The following MTTP variants were observed in gnomAD, a reference collection of about 807,000 sequenced individuals.
The protein encoded by MTTP is microsomal triglyceride transfer protein large subunit.
In MTTP, 49 loss-of-function variants were observed where a neutral mutation model predicts 90.6. That is an observed-to-expected ratio of 0.54 (90% CI 0.43 to 0.69). The LOEUF (loss-of-function observed/expected upper bound fraction) is 0.69. Among genes scored for constraint, MTTP ranks in the 30% least tolerant of loss-of-function variants. The pLI is 0.00. For synonymous variants in MTTP, 347 were observed against 384.2 expected, an observed-to-expected ratio of 0.90 and a Z score of 1.13; for missense variants, 945 against 1,067.5, an observed-to-expected ratio of 0.89 and a Z score of 1.60.
rs1283034899 is a variant in MTTP, at chr4:99,619,103, G to A, written c.2342+5G>A. 3 of 1,611,246 alleles carry A rather than the reference G, an allele frequency of 1.9e-6. No individual in the cohort carries two copies. Among genetic ancestry groups the A allele is most frequent in the South Asian group, 1.1e-5 (1 of 91,024 alleles). On this transcript the variant is annotated splice_donor_5th_base_variant and intron_variant, in intron 16 of 17. Coordinates refer to ENST00000265517, the MANE Select transcript of MTTP (RefSeq NM_001386140.1). ...TAAAACCCGAGTGAAAAATAGGTAA[G>A]TGTTTATGCATTATACATTTATGAA...
chr4:99,621,309 G>A, intron 17 of MTTP, 78 bp downstream of exon 17: 1 of 1,519,268 alleles, frequency 6.6e-7, no homozygotes, highest in Non-Finnish European at 9.1e-7. Flanking sequence ...AGAACATTCA[G>A]TTTCAGAATT....
intron 8 of MTTP, among the ~76,000 whole-genome samples, chr4:99,599,081 T>G (rs1055035347): frequency 3.9e-5 from 6 of 152,172 alleles, no homozygotes; most frequent in African/African-American, 1.4e-4. Context: ...AATGTAACAT[T>G]TCCCAAAAAG....
At chr4:99,614,340 C>A (rs764098403) in intron 15 of MTTP, among the ~76,000 whole-genome samples, 14 of 152,130 alleles carry the variant, frequency 9.2e-5, no homozygotes, top group Non-Finnish European at 1.3e-4. Context: ...GTTATGAAAT[C>A]ATAGATTTTA....
chr4:99,597,273 G>A, intron 8 of MTTP, 49 bp downstream of exon 8: 2 of 1,602,772 alleles, frequency 1.2e-6, no homozygotes, highest in Non-Finnish European at 1.7e-6. Context: ...AACATTTCTG[G>A]ATTGTTGGTT....
At chr4:99,609,042 T>C (rs1230300398) in intron 12 of MTTP, 65 bp downstream of exon 12, 6 of 1,393,690 alleles carry the variant, frequency 4.3e-6, no homozygotes, top group Non-Finnish European at 6.1e-6. Context: ...GGGGTACCGA[T>C]GTAGCTAATA....
intron 3 of MTTP, chr4:99,584,282 A>G (rs1473432728): frequency 2.0e-5 from 3 of 152,094 alleles, no homozygotes; most frequent in African/African-American, 7.2e-5. Context: ...GTGTCTAAAG[A>G]TGAGAGCTCA....
Position 99,621,174 on chromosome 4 carries a change from T to A in MTTP, c.2456T>A (p.Phe819Tyr). 1 of 1,614,080 alleles carries A rather than the reference T, an allele frequency of 6.2e-7. No homozygotes were observed. The highest frequency in any genetic ancestry group is 1.6e-4 in the Middle Eastern group (1 of 6,062). Residue 819 changes from phenylalanine (F) to tyrosine (Y), a missense_variant, in exon 17 of 18, where the codon TTT (phenylalanine) becomes TAT (tyrosine). Phe to Tyr is a conservative substitution (Grantham distance 22, BLOSUM62 3). Transcript: ENST00000265517. ...TTGGAGTTTATCTCCACAGTGCAGT[T>A]TTCTCAGTACCCATTCTTAGTTTGC... ...AGLEFISTVQ[F>Y]SQYPFLVCMQ... is the part of the protein sequence containing the mutation.
intron 1 of MTTP, among the ~76,000 whole-genome samples, chr4:99,567,896 G>A (rs1724741391): frequency 6.6e-6 from 1 of 152,002 alleles, no homozygotes; most frequent in Admixed American, 6.6e-5. Flanking sequence ...GAATAACTTA[G>A]CCTAAAAATA....
At chr4:99,573,131 C>G (rs1001857019), upstream of MTTP, among the ~76,000 whole-genome samples, 1 of 152,060 alleles carries the variant, frequency 6.6e-6, no homozygotes, top group African/African-American at 2.4e-5. Flanking sequence ...CACCACATAG[C>G]CTAACCACAA....
chr4:99,574,850 A>G lies in MTTP; in HGVS notation c.-60A>G, dbSNP rs113822122. The G allele has an allele frequency of 2.5e-6, 4 of 1,614,016 alleles. No homozygotes were observed. Among genetic ancestry groups the G allele is most frequent in the African/African-American group, 2.7e-5 (2 of 75,036 alleles). On this transcript the variant is annotated 5_prime_UTR_variant, in exon 1 of 18. Transcript: ENST00000265517. ...CTCCCTCACTGGCTGCCATTGAAAGAGTCCACTTCTCAGTGACTCCTAGCT... is the reference window on the plus strand; with the variant it reads ...CTCCCTCACTGGCTGCCATTGAAAGGGTCCACTTCTCAGTGACTCCTAGCT...
chr4:99,607,822 A>T (rs1352110409), intron 11 of MTTP, among the ~76,000 whole-genome samples: 1 of 152,120 alleles, frequency 6.6e-6, no homozygotes, highest in Non-Finnish European at 1.5e-5. Context: ...TGCCAGGTAG[A>T]TTTATTGAAT....
intron 2 of MTTP, 58 bp from the exon 3 acceptor site, chr4:99,583,316 C>T: frequency 1.3e-6 from 2 of 1,554,342 alleles, no homozygotes; most frequent in Non-Finnish European, 1.8e-6. Flanking sequence ...TTCAGAGATA[C>T]TCTGATGAAG....
rs1578222378 is a variant in MTTP, at chr4:99,564,236, T to C, written c.-103T>C. 27 of 1,535,540 alleles carry C rather than the reference T, an allele frequency of 1.8e-5. No homozygotes were observed. The East Asian group carries it at 6.1e-4, about 35-fold the overall frequency. On this transcript the variant is annotated splice_region_variant and 5_prime_UTR_variant, in exon 1 of 19. Coordinates refer to the MTTP transcript ENST00000457717. ...CAGACGTGTATTCATTCATATATTC[T>C]TGTGAGTATTGGATGAAGGAATTAA...
At chr4:99,571,195 G>A (rs1304246784), upstream of MTTP, among the ~76,000 whole-genome samples, 2 of 151,596 alleles carry the variant, frequency 1.3e-5, no homozygotes, top group African/African-American at 2.4e-5. Flanking sequence ...TTGGCTTCTT[G>A]TTCCACTTCA....
chr4:99,606,721 A>C (rs571255685), intron 10 of MTTP, 27 bp from the exon 11 acceptor site: 10 of 1,605,326 alleles, frequency 6.2e-6, no homozygotes, highest in Non-Finnish European at 8.5e-6. Flanking sequence ...ATGGTCATGC[A>C]TATATCTAAG....
intron 1 of MTTP, among the ~76,000 whole-genome samples, chr4:99,566,452 CAA>C (rs966793103): frequency 1.4e-4 from 21 of 152,032 alleles, no homozygotes; most frequent in African/African-American, 5.1e-4. Flanking sequence ...AGGTTGGACT[CAA>C]AGAGATACTA....
intron 6 of MTTP, among the ~76,000 whole-genome samples, chr4:99,593,063 G>T (rs1478585764): frequency 1.3e-5 from 2 of 152,068 alleles, no homozygotes; most frequent in East Asian, 3.9e-4. Flanking sequence ...GACCACCTTT[G>T]TACATGGGTC....
chr4:99,619,107 T>C lies in MTTP; in HGVS notation c.2342+9T>C, dbSNP rs745348862. The C allele has an allele frequency of 6.2e-7, 1 of 1,610,026 alleles. No individual in the cohort carries two copies. Among genetic ancestry groups the C allele is most frequent in the East Asian group, 2.2e-5 (1 of 44,776 alleles). On this transcript the variant is annotated intron_variant, in intron 16 of 17. Transcript: ENST00000265517. ...ACCCGAGTGAAAAATAGGTAAGTGT[T>C]TATGCATTATACATTTATGAATTAC...
At chr4:99,574,264 C>T (rs1486617878), upstream of MTTP, among the ~76,000 whole-genome samples, 1 of 152,144 alleles carries the variant, frequency 6.6e-6, no homozygotes, top group Admixed American at 6.5e-5. Context: ...CAGTTTCACA[C>T]ATAAGGACAA....
Sources: gnomAD v4.1 joint callset for allele counts (sites outside exome capture counted in the v4.1 genomes callset) on GRCh38, gnomAD v4.1.1 for gene constraint, MANE v1.5 for transcripts, NCBI Gene and HGNC (gene_info 2026-07-23, HGNC 2026-07-21) for gene names.